The following ALOX5 variants were observed in gnomAD, a reference collection of about 807,000 sequenced individuals.
ALOX5 encodes the protein arachidonate 5-lipoxygenase.
Under a neutral mutation model 87.9 loss-of-function variants are expected in ALOX5, and 64 were observed. The observed-to-expected ratio is 0.73, with a 90% CI of 0.60 to 0.90. The LOEUF (loss-of-function observed/expected upper bound fraction) is 0.90, where lower values mean the gene tolerates loss of function less well. Among genes scored for constraint, ALOX5 ranks in the 40% least tolerant of loss-of-function variants. The pLI is 0.00. For missense variants in ALOX5, 822 were observed against 907.5 expected (o/e 0.91, Z 1.21); for synonymous variants, 388 against 355.1 (o/e 1.09, Z -1.04).
chr10:45,411,158 C>T (rs753520394), intron 3 of ALOX5, among the ~76,000 whole-genome samples: 23 of 152,168 alleles, frequency 1.5e-4, no homozygotes, highest in Admixed American at 1.3e-4. Flanking sequence ...TTTTAGCATG[C>T]TAATGCATTA....
chr10:45,412,387 T>G (rs1841098047), intron 4 of ALOX5, 74 bp downstream of exon 4: 2 of 1,578,198 alleles, frequency 1.3e-6, no homozygotes, highest in Non-Finnish European at 1.7e-6. Context: ...CCCTCACTCC[T>G]TTCCTCATGG....
At chr10:45,405,464 T>C (rs1840845861) in intron 3 of ALOX5, among the ~76,000 whole-genome samples, 1 of 152,214 alleles carries the variant, frequency 6.6e-6, no homozygotes. Context: ...TATTGTTCTT[T>C]CAATTATTAA....
intron 3 of ALOX5, among the ~76,000 whole-genome samples, chr10:45,397,528 A>G (rs78452276): frequency 0.013 from 1,937 of 152,346 alleles, 27 homozygotes; most frequent in African/African-American, 0.044. Context: ...GAATAAAAAG[A>G]TAAGTAAAGG....
In ALOX5 at chr10:45,413,470, A is replaced by G. The variant is rs192364918; in HGVS notation, c.554+1157A>G. On this transcript the variant is annotated intron_variant, in intron 4 of 13. Coordinates refer to ENST00000374391, the MANE Select transcript of ALOX5 (RefSeq NM_000698.5). ...AAATAATAAGAGCTATTTATGACAGACCCACAGCCAATATCATACTGAAGG... is the reference window on the plus strand; with the variant it reads ...AAATAATAAGAGCTATTTATGACAGGCCCACAGCCAATATCATACTGAAGG... 2.8e-4 allele frequency among the ~76,000 whole-genome samples: 42 copies of G among 152,334 alleles called. No homozygotes were observed. The East Asian group carries it at 7.9e-3, about 29-fold the overall frequency.
chr10:45,403,096 A>G (rs1055827525), intron 3 of ALOX5, among the ~76,000 whole-genome samples: 1 of 152,258 alleles, frequency 6.6e-6, no homozygotes, highest in Non-Finnish European at 1.5e-5. Context: ...GCAATATGTC[A>G]TAAAACTGAA....
At chr10:45,412,425 C>T in intron 4 of ALOX5, 112 bp downstream of exon 4, 1 of 1,377,526 alleles carries the variant, frequency 7.3e-7, no homozygotes, top group Non-Finnish European at 9.9e-7. Context: ...AACAGCCTAG[C>T]TGAGCCAAAC....
rs1839869467 is a variant in ALOX5, at chr10:45,382,518, G to C, written c.186G>C (p.Leu62=). The C allele has an allele frequency of 6.2e-7, 1 of 1,614,088 alleles. No homozygotes were observed. The change falls in exon 2 of 14, where the codon CTG becomes CTC. Residue 62 remains leucine, a synonymous_variant. Coordinates refer to ENST00000374391, the MANE Select transcript of ALOX5 (RefSeq NM_000698.5). ...ACGACGTGACTGTGGACGAGGAACT[G>C]GGCGAGATCCAGCTGGTCAGAATCG... is the stretch of plus-strand genomic sequence containing the variant. ...DSYDVTVDEE[L]GEIQLVRIEK...
intron 1 of ALOX5, among the ~76,000 whole-genome samples, chr10:45,378,575 C>T (rs1000124232): frequency 1.3e-5 from 2 of 152,170 alleles, no homozygotes; most frequent in African/African-American, 4.8e-5. Context: ...GTACTTGGCC[C>T]AGAGAGGAGG....
At chr10:45,442,977 G>A in intron 9 of ALOX5, 61 bp from the exon 10 acceptor site, 2 of 1,533,132 alleles carry the variant, frequency 1.3e-6, no homozygotes, top group South Asian at 2.5e-5. Context: ...TTTCCTCAGG[G>A]ATGGGTCTGG....
intron 1 of ALOX5, among the ~76,000 whole-genome samples, chr10:45,379,126 TC>T (rs1411360836): frequency 6.6e-6 from 1 of 152,046 alleles, no homozygotes; most frequent in Non-Finnish European, 1.5e-5. Flanking sequence ...CATCGGGCCC[TC>T]CCTGTGGGAC....
rs771784295 is a variant in ALOX5 at position 45,412,186 on chromosome 10, C to T, written c.432-5C>T. ...ACTCAATTTCTTCTCCTTTCTCATG[C>T]TCAGATGGATGGAGTGGAACCCTGG... On this transcript the variant is annotated splice_polypyrimidine_tract_variant and splice_region_variant and intron_variant, in intron 3 of 13. Coordinates refer to ENST00000374391, the MANE Select transcript of ALOX5 (RefSeq NM_000698.5). 1 of 1,614,136 alleles carries T rather than the reference C, an allele frequency of 6.2e-7. No homozygotes were observed. Among genetic ancestry groups the T allele is most frequent in the Non-Finnish European group, 8.5e-7 (1 of 1,180,014 alleles).
chr10:45,428,552 T>A (rs1405984580), intron 6 of ALOX5, 66 bp from the exon 7 acceptor site: 24 of 1,595,584 alleles, frequency 1.5e-5, no homozygotes, highest in Non-Finnish European at 1.8e-5. Flanking sequence ...CATCACTCTT[T>A]CCCCAGGCCT....
rs1216713847 is a variant in ALOX5, at chr10:45,444,206, G to C, written c.1765G>C (p.Val589Leu). 1.3e-6 allele frequency: 2 copies of C among 1,555,930 alleles called. No individual in the cohort carries two copies. The highest frequency in any genetic ancestry group is 1.2e-5 in the South Asian group (1 of 84,422). Residue 589 changes from valine (V) to leucine (L), a missense_variant, in exon 13 of 14, where the codon GTG becomes CTG. Coordinates refer to ENST00000374391, the MANE Select transcript of ALOX5 (RefSeq NM_000698.5). ...GGGCGTGGTGACCATTGAGCAGATC[G>C]TGGACACGCTGCCCGACCGCGGCCG... is the stretch of plus-strand genomic sequence containing the variant. Reference protein sequence around the residue: ...AKGVVTIEQIVDTLPDRGRSC... With the variant: ...AKGVVTIEQILDTLPDRGRSC...
Position 45,425,165 on chromosome 10 carries a change from G to A in ALOX5, c.834+33G>A. ...TTGATGGGCTGGGGAAGTGGCCAAG[G>A]TCACAGTCTGTCAGGTGGAAGCCAG... On this transcript the variant is annotated intron_variant, in intron 6 of 13. Transcript: ENST00000374391. The surrounding 1 kb of genome is among the most constrained non-coding windows in gnomAD (Gnocchi z 4.4). 6.3e-7 allele frequency: 1 copy of A among 1,596,412 alleles called. No homozygotes were observed. The highest frequency in any genetic ancestry group is 8.5e-7 in the Non-Finnish European group (1 of 1,170,042).
chr10:45,422,933 G>A (rs552470846), intron 4 of ALOX5, among the ~76,000 whole-genome samples: 16 of 152,284 alleles, frequency 1.1e-4, no homozygotes, highest in African/African-American at 3.1e-4. Flanking sequence ...GCATGGTCAC[G>A]TGGCAGAGAG....
intron 1 of ALOX5, among the ~76,000 whole-genome samples, chr10:45,376,464 C>T (rs943083196): frequency 6.6e-6 from 1 of 152,162 alleles, no homozygotes; most frequent in Non-Finnish European, 1.5e-5. Flanking sequence ...TCTTGCCCAG[C>T]CCAGAACTAC....
chr10:45,408,277 G>A (rs1373205757), intron 3 of ALOX5, among the ~76,000 whole-genome samples: 5 of 152,100 alleles, frequency 3.3e-5, no homozygotes, highest in Non-Finnish European at 7.4e-5. Context: ...AGGTGGTTGG[G>A]GTACAGCTTG....
At chr10:45,395,121 A>G (rs1840449559) in intron 2 of ALOX5, among the ~76,000 whole-genome samples, 1 of 152,224 alleles carries the variant, frequency 6.6e-6, no homozygotes, top group South Asian at 2.1e-4. Context: ...TACCCAAAGG[A>G]TTATAAATCA....
intron 8 of ALOX5, 91 bp downstream of exon 8, chr10:45,440,724 C>A: frequency 7.2e-7 from 1 of 1,395,524 alleles, no homozygotes; most frequent in Non-Finnish European, 9.9e-7. Context: ...GGACCTGTGG[C>A]TGGGAGTGGG....
Sources: allele counts gnomAD v4.1 joint callset (sites outside exome capture counted in the v4.1 genomes callset), GRCh38; gene constraint gnomAD v4.1.1; non-coding constraint Gnocchi (gnomAD v3.1); transcripts MANE v1.5; gene names NCBI Gene and HGNC (gene_info 2026-07-23, HGNC 2026-07-21).